Variants in PRKAG2 observed in about 807,000 individuals in gnomAD.
PRKAG2 encodes the protein 5'-AMP-activated protein kinase subunit gamma-2.
In PRKAG2, 26 loss-of-function variants were observed where a neutral mutation model predicts 69.6. The ratio of observed to expected loss-of-function variants is 0.37; its 90% CI spans 0.27 to 0.52. The LOEUF (loss-of-function observed/expected upper bound fraction) is 0.52, where lower values mean the gene tolerates loss of function less well. Among genes scored for constraint, PRKAG2 ranks in the 20% least tolerant of loss-of-function variants. The pLI, the probability that PRKAG2 is intolerant of heterozygous loss-of-function variation, is 0.90. For missense variants in PRKAG2, 557 were observed against 740.0 expected (o/e 0.75, Z 2.87); for synonymous variants, 293 against 285.0 (o/e 1.03, Z -0.28).
intron 4 of PRKAG2, among the ~76,000 whole-genome samples, chr7:151,669,964 CTGCACACACCTG>C (rs1366787066): frequency 6.0e-4 from 3 of 5,026 alleles, no homozygotes; most frequent in African/African-American, 8.7e-4. Context: ...TGTCACACAC[CTGCACACACCTG>C]TGCACACACA....
chr7:151,560,828 G>C (rs1478789023), intron 14 of PRKAG2, among the ~76,000 whole-genome samples: 1 of 152,144 alleles, frequency 6.6e-6, no homozygotes, highest in African/African-American at 2.4e-5. Context: ...TGGGAGGATT[G>C]CTTGAGCCTG....
At chr7:151,830,194 C>T (rs1486650301) in intron 1 of PRKAG2, among the ~76,000 whole-genome samples, 10 of 150,132 alleles carry the variant, frequency 6.7e-5, no homozygotes, top group African/African-American at 2.5e-4. Flanking sequence ...GTTTGCCATT[C>T]GCCATTCTCA....
intron 1 of PRKAG2, among the ~76,000 whole-genome samples, chr7:151,832,873 C>T (rs922622298): frequency 1.3e-5 from 2 of 152,172 alleles, no homozygotes; most frequent in African/African-American, 4.8e-5. Flanking sequence ...AGGGAGGCCC[C>T]GTGCCCTGAC....
At chr7:151,786,026 C>G (rs2076987828) in intron 2 of PRKAG2, among the ~76,000 whole-genome samples, 1 of 152,182 alleles carries the variant, frequency 6.6e-6, no homozygotes, top group African/African-American at 2.4e-5. Flanking sequence ...GGAGAGGGTG[C>G]AACACGAGGT....
intron 14 of PRKAG2, among the ~76,000 whole-genome samples, chr7:151,561,448 T>G (rs1804927386): frequency 6.6e-6 from 1 of 152,208 alleles, no homozygotes; most frequent in African/African-American, 2.4e-5. Context: ...TGCAGTGTCT[T>G]TTCTCTGTGA....
chr7:151,736,503 TAAA>T (rs1563557899), intron 3 of PRKAG2: 45 of 783,426 alleles, frequency 5.7e-5, no homozygotes, highest in Non-Finnish European at 6.9e-5. Flanking sequence ...AAACAGACTG[TAAA>T]AGGAAACCAC....
At chr7:151,782,362 AGGG>A (rs1563663222) in intron 2 of PRKAG2, among the ~76,000 whole-genome samples, 26 of 66,040 alleles carry the variant, frequency 3.9e-4, no homozygotes, top group Non-Finnish European at 4.2e-4. Flanking sequence ...GGAGGGAGGG[AGGG>A]AGGGAGGGAA....
At chr7:151,682,058 C>A (rs1360471855) in intron 3 of PRKAG2, among the ~76,000 whole-genome samples, 1 of 152,166 alleles carries the variant, frequency 6.6e-6, no homozygotes, top group Non-Finnish European at 1.5e-5. Context: ...CCATGCCAGC[C>A]AGGAAGGGTA....
chr7:151,777,488 C>G lies in PRKAG2; in HGVS notation c.466+3664G>C, dbSNP rs2076433013. 6.6e-6 allele frequency among the ~76,000 whole-genome samples: 1 copy of G among 152,160 alleles called. No homozygotes were observed. Among genetic ancestry groups the G allele is most frequent in the South Asian group, 2.1e-4 (1 of 4,830 alleles). ...TCCCTGCGGCAGTGAGTCCTGCTCT[C>G]TTAGCTGGGTGCTTTAAAGACTCCA... On this transcript the variant is annotated intron_variant, in intron 3 of 15. Coordinates refer to ENST00000287878, the MANE Select transcript of PRKAG2 (RefSeq NM_016203.4). This position sits in a 1 kb window ranked among gnomAD's most constrained non-coding sequence, Gnocchi z 4.3.
chr7:151,601,817 A>C (rs28374920), intron 5 of PRKAG2, among the ~76,000 whole-genome samples: 6,840 of 152,298 alleles, frequency 0.045, 503 homozygotes, highest in African/African-American at 0.16. Context: ...AAGACAACAA[A>C]CACAACCCTT....
At chr7:151,834,760 C>A (rs2079110538) in intron 1 of PRKAG2, among the ~76,000 whole-genome samples, 1 of 152,206 alleles carries the variant, frequency 6.6e-6, no homozygotes, top group East Asian at 1.9e-4. Context: ...CCGCCCCTCC[C>A]CATCGCTGTG....
intron 3 of PRKAG2, among the ~76,000 whole-genome samples, chr7:151,768,496 C>T (rs996687986): frequency 6.6e-6 from 1 of 152,166 alleles, no homozygotes; most frequent in East Asian, 1.9e-4. Flanking sequence ...GATAGAGTCT[C>T]ACTCTATTGC....
chr7:151,685,125 TTC>T (rs1243631124), intron 3 of PRKAG2, among the ~76,000 whole-genome samples: 5 of 152,174 alleles, frequency 3.3e-5, no homozygotes, highest in African/African-American at 1.2e-4. Context: ...CAGCCATTTC[TTC>T]TCTTTCCCCC....
At chr7:151,691,168 C>T (rs1197945252) in intron 3 of PRKAG2, among the ~76,000 whole-genome samples, 1 of 152,174 alleles carries the variant, frequency 6.6e-6, no homozygotes, top group Admixed American at 6.5e-5. Flanking sequence ...GTAATACGTG[C>T]ATATGACCTA....
intron 4 of PRKAG2, among the ~76,000 whole-genome samples, chr7:151,637,291 G>A (rs139630993): frequency 2.6e-5 from 4 of 152,188 alleles, no homozygotes; most frequent in East Asian, 1.9e-4. Context: ...AGTATCTCTC[G>A]TTCTAAGTCT....
At chr7:151,559,978 G>C in intron 15 of PRKAG2, 1 of 985,356 alleles carries the variant, frequency 1.0e-6, no homozygotes, top group South Asian at 4.7e-5. Flanking sequence ...GCTCCTCACT[G>C]TCTGAGACTC....
Position 151,570,237 on chromosome 7 carries a change from G to A in PRKAG2, c.1052-12C>T. The A allele has an allele frequency of 6.3e-7, 1 of 1,599,168 alleles. No individual in the cohort carries two copies. Among genetic ancestry groups the A allele is most frequent in the Non-Finnish European group, 8.6e-7 (1 of 1,169,536 alleles). ...TTGTAAATAAAGCTCTGTATTTATAGAAAGAAAATATGCAGTTAGTAACAC... is the reference window on the plus strand; with the variant it reads ...TTGTAAATAAAGCTCTGTATTTATAAAAAGAAAATATGCAGTTAGTAACAC... On this transcript the variant is annotated splice_polypyrimidine_tract_variant and intron_variant, in intron 9 of 15. Coordinates refer to ENST00000287878, the MANE Select transcript of PRKAG2 (RefSeq NM_016203.4).
Position 151,772,867 on chromosome 7 carries a change from T to A in PRKAG2, c.466+8285A>T, listed in dbSNP as rs545956142. On this transcript the variant is annotated intron_variant, in intron 3 of 15. Coordinates refer to ENST00000287878, the MANE Select transcript of PRKAG2 (RefSeq NM_016203.4). The stretch of plus-strand genomic sequence containing the variant: ...CAGGCATGGTGGTGTGCATCTGCAG[T>A]TCCACCTATTGCGGGCAAAGGGCAG... Among the ~76,000 whole-genome samples the A allele has an allele frequency of 5.3e-4, 80 of 151,702 alleles. No homozygotes were observed. The South Asian group carries it at 0.016, about 30-fold the overall frequency.
At chr7:151,753,965 A>T (rs2074887892) in intron 3 of PRKAG2, among the ~76,000 whole-genome samples, 1 of 152,146 alleles carries the variant, frequency 6.6e-6, no homozygotes, top group African/African-American at 2.4e-5. Flanking sequence ...GTTGCAGTGA[A>T]CTGTGATCGC....
Sources: allele counts gnomAD v4.1 joint callset (sites outside exome capture counted in the v4.1 genomes callset), GRCh38; gene constraint gnomAD v4.1.1; non-coding constraint Gnocchi (gnomAD v3.1); transcripts MANE v1.5; gene names NCBI Gene and HGNC (gene_info 2026-07-23, HGNC 2026-07-21).